TBC1D9: variants seen among roughly 807,000 people sequenced by gnomAD.
TBC1D9 encodes the protein TBC1 domain family member 9A.
In TBC1D9, 63 loss-of-function variants were observed where a neutral mutation model predicts 132.0. The observed-to-expected ratio is 0.48, with a 90% confidence interval of 0.39 to 0.59. The LOEUF (loss-of-function observed/expected upper bound fraction) is 0.59. Among genes scored for constraint, TBC1D9 ranks in the 20% least tolerant of loss-of-function variants. TBC1D9 has a pLI of 0.00. For missense variants in TBC1D9, 1,261 were observed against 1,592.7 expected (o/e 0.79, Z 3.54); for synonymous variants, 610 against 609.9 (o/e 1.00, Z 0.00).
chr4:140,722,273 G>A (rs1180961368), intron 1 of TBC1D9, among the ~76,000 whole-genome samples: 1 of 152,076 alleles, frequency 6.6e-6, no homozygotes, highest in East Asian at 1.9e-4. Flanking sequence ...GAAAGAGGGG[G>A]AAAAAAGCTC....
rs760521477 is a variant in TBC1D9, at chr4:140,627,622, G to A, written c.2813-95C>T. 1.8e-4 allele frequency: 149 copies of A among 848,916 alleles called. 1 individual carries two copies. Among genetic ancestry groups the A allele is most frequent in the Non-Finnish European group, 2.5e-4 (133 of 528,082 alleles). 52.6% of individuals were successfully genotyped at this position (848,916 alleles called of 1,614,324 possible). On this transcript the variant is annotated intron_variant, in intron 17 of 20. Coordinates refer to ENST00000442267, the MANE Select transcript of TBC1D9 (RefSeq NM_015130.3). ...TAAATAAAATGACATAAGTGGGGAT[G>A]AAAAGCTAAAGTTACAAAGGTGGGA...
At chr4:140,690,705 C>T (rs1737864428) in intron 2 of TBC1D9, among the ~76,000 whole-genome samples, 1 of 152,098 alleles carries the variant, frequency 6.6e-6, no homozygotes, top group East Asian at 1.9e-4. Context: ...TGGCTACATC[C>T]AAGCCTAAGA....
intron 1 of TBC1D9, among the ~76,000 whole-genome samples, chr4:140,705,503 GGTGTGTGCATGT>G (rs1187090126): frequency 1.5e-5 from 2 of 137,092 alleles, no homozygotes; most frequent in Non-Finnish European, 3.0e-5. Flanking sequence ...ACAAGTGAGG[GGTGTGTGCATGT>G]GTGTGTGTGT....
At chr4:140,679,959 C>T in intron 3 of TBC1D9, 116 bp from the exon 4 acceptor site, 1 of 772,870 alleles carries the variant, frequency 1.3e-6, no homozygotes, top group East Asian at 2.7e-5. Flanking sequence ...GAGGAATGCC[C>T]TTCAATGGCA....
At position 140,660,671 on chromosome 4, in the gene TBC1D9, G is replaced by C. The variant is rs147176262; in HGVS notation, c.1804-966C>G. On this transcript the variant is annotated intron_variant, in intron 10 of 20. Coordinates refer to ENST00000442267, the MANE Select transcript of TBC1D9 (RefSeq NM_015130.3). ...TCTGGACTAGGTATTGGAGGATGGG[G>C]GACAGAGTGGTGATATCTTGCAGGT... Among the ~76,000 whole-genome samples, 1,171 of 152,240 alleles carry C rather than the reference G, an allele frequency of 7.7e-3. 13 individuals are homozygous for C. Among genetic ancestry groups the C allele is most frequent in the African/African-American group, 0.026 (1,077 of 41,528 alleles).
chr4:140,699,914 G>A (rs1738037382), intron 2 of TBC1D9, among the ~76,000 whole-genome samples: 1 of 151,846 alleles, frequency 6.6e-6, no homozygotes, highest in Non-Finnish European at 1.5e-5. Context: ...AAATCAAGTA[G>A]AGGCAAAAAA....
intron 17 of TBC1D9, 128 bp downstream of exon 17, chr4:140,628,172 G>T (rs1736737324): frequency 2.8e-6 from 2 of 721,798 alleles, no homozygotes; most frequent in Non-Finnish European, 4.8e-6. Flanking sequence ...TCATTGTTCA[G>T]TTAGTTCTTA....
At chr4:140,689,267 G>C (rs1737835972) in intron 2 of TBC1D9, among the ~76,000 whole-genome samples, 1 of 152,060 alleles carries the variant, frequency 6.6e-6, no homozygotes, top group African/African-American at 2.4e-5. Flanking sequence ...ATCACACCAG[G>C]TACTTTACTT....
chr4:140,673,415 G>GA (rs1267566438), intron 6 of TBC1D9, among the ~76,000 whole-genome samples: 3 of 152,138 alleles, frequency 2.0e-5, no homozygotes, highest in Admixed American at 6.5e-5. Context: ...TGTTCCCAGG[G>GA]ATGTCAAGCA....
chr4:140,703,075 T>C (rs1738096840), intron 1 of TBC1D9, among the ~76,000 whole-genome samples: 1 of 152,216 alleles, frequency 6.6e-6, no homozygotes, highest in African/African-American at 2.4e-5. Flanking sequence ...CCTGCTAAGA[T>C]ACTTTTATCG....
chr4:140,716,421 T>C (rs1738335192), intron 1 of TBC1D9, among the ~76,000 whole-genome samples: 1 of 151,740 alleles, frequency 6.6e-6, no homozygotes, highest in Non-Finnish European at 1.5e-5. Flanking sequence ...AACCTGGAGA[T>C]GGAAGTTGCA....
intron 1 of TBC1D9, among the ~76,000 whole-genome samples, chr4:140,743,137 T>G (rs1738786462): frequency 6.6e-6 from 1 of 152,206 alleles, no homozygotes; most frequent in Admixed American, 6.5e-5. Flanking sequence ...AGTATTTGAC[T>G]TAATGTTGTC....
intron 3 of TBC1D9, among the ~76,000 whole-genome samples, chr4:140,680,513 T>C (rs1163638619): frequency 2.0e-5 from 3 of 152,202 alleles, no homozygotes; most frequent in Non-Finnish European, 4.4e-5. Context: ...AGTTCCTCTG[T>C]AATTCCCTGA....
chr4:140,677,116 T>A lies in TBC1D9; in HGVS notation c.852-15A>T. 6.2e-7 allele frequency: 1 copy of A among 1,612,416 alleles called. No homozygotes were observed. The highest frequency in any genetic ancestry group is 1.1e-5 in the South Asian group (1 of 91,056). Reference sequence around the variant, plus strand: ...CATCAAGATCACTGGAAAGCAATAATTACAATTCACATAAGAAAAATGTTT... The same window carrying A: ...CATCAAGATCACTGGAAAGCAATAAATACAATTCACATAAGAAAAATGTTT... On this transcript the variant is annotated splice_polypyrimidine_tract_variant and intron_variant, in intron 5 of 20. Coordinates refer to ENST00000442267, the MANE Select transcript of TBC1D9 (RefSeq NM_015130.3).
chr4:140,710,952 A>G (rs1319104162), intron 1 of TBC1D9, among the ~76,000 whole-genome samples: 1 of 152,152 alleles, frequency 6.6e-6, no homozygotes, highest in Non-Finnish European at 1.5e-5. Context: ...GTGTACAAGC[A>G]TACCTAGGAA....
chr4:140,633,828 A>C (rs1035871305), intron 16 of TBC1D9, 120 bp downstream of exon 16: 3 of 1,247,206 alleles, frequency 2.4e-6, no homozygotes, highest in African/African-American at 3.0e-5. Context: ...TGAAAAACAC[A>C]TTTTATAATC....
In TBC1D9 at chr4:140,682,229, T is replaced by G. The variant is rs183780307; in HGVS notation, c.361-2386A>C. On this transcript the variant is annotated intron_variant, in intron 3 of 20. Transcript: ENST00000442267. ...TCCTCTGTCATACTGGAGGGCATTATGGATAGCAATAGAAGTAGCAATGTG... is the reference window on the plus strand; with the variant it reads ...TCCTCTGTCATACTGGAGGGCATTAGGGATAGCAATAGAAGTAGCAATGTG... 1.1e-4 allele frequency among the ~76,000 whole-genome samples: 16 copies of G among 152,330 alleles called. No individual in the cohort carries two copies. In the East Asian group the frequency reaches 3.1e-3, roughly 29 times the overall value.
At chr4:140,661,519 C>G (rs890614696) in intron 10 of TBC1D9, among the ~76,000 whole-genome samples, 1 of 152,162 alleles carries the variant, frequency 6.6e-6, no homozygotes, top group Non-Finnish European at 1.5e-5. Context: ...TCAGAAGGAT[C>G]TTCTCCAGGT....
chr4:140,703,294 C>T (rs1004641773), intron 1 of TBC1D9, among the ~76,000 whole-genome samples: 3 of 152,150 alleles, frequency 2.0e-5, no homozygotes, highest in African/African-American at 7.2e-5. Flanking sequence ...ATGTTGCCAC[C>T]AGTACCTCAT....
Sources: gnomAD v4.1 joint callset for allele counts (sites outside exome capture counted in the v4.1 genomes callset) on GRCh38, gnomAD v4.1.1 for gene constraint, MANE v1.5 for transcripts, NCBI Gene and HGNC (gene_info 2026-07-23, HGNC 2026-07-21) for gene names.